CADPS: variants seen among roughly 807,000 people sequenced by gnomAD.
CADPS encodes the protein calcium-dependent secretion activator 1.
CADPS carries 57 observed loss-of-function variants against 167.3 expected under a neutral mutation model. That is an observed-to-expected ratio of 0.34 (90% confidence interval 0.28 to 0.42). The LOEUF is 0.42. Among genes scored for constraint, CADPS ranks in the 20% least tolerant of loss-of-function variants. The pLI, the probability that CADPS is intolerant of heterozygous loss-of-function variation, is 1.00. For synonymous variants in CADPS, 676 were observed against 635.3 expected (o/e 1.06, Z -0.96); for missense variants, 1,414 against 1,738.1 (o/e 0.81, Z 3.32).
rs2055604093 is a variant in CADPS at position 62,438,443 on chromosome 3, T to C, written c.3670-232A>G. Reference sequence around the variant, plus strand: ...TAAGAAGGGCATTGAGATTGTAGGATTTTATAAATAGTTTTTCTATGATAA... The same window carrying C: ...TAAGAAGGGCATTGAGATTGTAGGACTTTATAAATAGTTTTTCTATGATAA... On this transcript the variant is annotated intron_variant, in intron 27 of 29. Transcript: ENST00000383710. The surrounding 1 kb of genome is among the most constrained non-coding windows in gnomAD (Gnocchi z 4.7). 2.2e-6 allele frequency: 1 copy of C among 452,786 alleles called. No homozygotes were observed. 28.0% of individuals were successfully genotyped at this position (452,786 alleles called of 1,614,324 possible).
intron 28 of CADPS, among the ~76,000 whole-genome samples, chr3:62,419,875 C>G (rs185543917): frequency 6.6e-6 from 1 of 152,228 alleles, no homozygotes; most frequent in African/African-American, 2.4e-5. Flanking sequence ...CGTCTTAAAA[C>G]AGGGTTGGCT....
At chr3:62,836,348 C>T (rs1251342475) in intron 1 of CADPS, among the ~76,000 whole-genome samples, 1 of 152,136 alleles carries the variant, frequency 6.6e-6, no homozygotes, top group African/African-American at 2.4e-5. Flanking sequence ...GAAAAAGAGG[C>T]AACCAAGACA....
At chr3:62,830,637 G>A (rs185405357) in intron 1 of CADPS, among the ~76,000 whole-genome samples, 1 of 152,170 alleles carries the variant, frequency 6.6e-6, no homozygotes, top group Admixed American at 6.5e-5. Context: ...ACAGAAAATT[G>A]GAGCTTTATA....
intron 6 of CADPS, among the ~76,000 whole-genome samples, chr3:62,644,070 T>C (rs1484096281): frequency 6.6e-6 from 1 of 152,360 alleles, no homozygotes; most frequent in Non-Finnish European, 1.5e-5. Context: ...CTTTTGCCTA[T>C]TCATGCAAAG....
chr3:62,634,103 C>T (rs560485145), intron 6 of CADPS, among the ~76,000 whole-genome samples: 22 of 152,160 alleles, frequency 1.4e-4, no homozygotes, highest in African/African-American at 4.8e-4. Context: ...TTTCTCCTTC[C>T]GGATAGGAAA....
At chr3:62,526,406 C>T (rs933466763) in intron 13 of CADPS, among the ~76,000 whole-genome samples, 2 of 152,138 alleles carry the variant, frequency 1.3e-5, no homozygotes, top group Non-Finnish European at 2.9e-5. Flanking sequence ...AAGAGCAGCA[C>T]TGGCATTCAA....
rs542182714 is a variant in CADPS at position 62,475,601 on chromosome 3, A to C, written c.3330-1281T>G. ...GTTCTTAAGAAAAAAAAAAAAAAAA[A>C]AAAAAAAAAAACACCTAAAAATCCC... On this transcript the variant is annotated intron_variant, in intron 23 of 29. Transcript: ENST00000383710. Among the ~76,000 whole-genome samples the C allele has an allele frequency of 4.9e-4, 73 of 148,812 alleles. No homozygotes were observed. The East Asian group carries it at 0.011, about 23-fold the overall frequency.
intron 1 of CADPS, among the ~76,000 whole-genome samples, chr3:62,868,957 T>C (rs557691244): frequency 2.0e-5 from 3 of 152,228 alleles, no homozygotes; most frequent in Admixed American, 2.0e-4. Context: ...TGTTCATTAG[T>C]GGCAGGGTTT....
Position 62,718,934 on chromosome 3 carries a change from T to A in CADPS, c.888+34507A>T, listed in dbSNP as rs150110709. The stretch of plus-strand genomic sequence containing the variant: ...GGGTTTGGAGACAGGCTGAAGATAT[T>A]TGCTTTAAAATGTCACAGGTAAAGT... On this transcript the variant is annotated intron_variant, in intron 3 of 29. Transcript: ENST00000383710. 2.8e-3 allele frequency among the ~76,000 whole-genome samples: 419 copies of A among 152,282 alleles called. 5 individuals carry two copies. The highest frequency in any genetic ancestry group is 9.7e-3 in the African/African-American group (403 of 41,556).
chr3:62,819,408 G>A (rs1312845128), intron 1 of CADPS, among the ~76,000 whole-genome samples: 1 of 16,090 alleles, frequency 6.2e-5, no homozygotes, highest in Non-Finnish European at 1.5e-4. Context: ...ATCTGTGTGC[G>A]TGTGTGTGTG....
intron 6 of CADPS, among the ~76,000 whole-genome samples, chr3:62,603,952 G>C (rs969530782): frequency 6.6e-5 from 10 of 151,466 alleles, no homozygotes. Context: ...TCAGCTTCCT[G>C]AGTATCTGGG....
intron 1 of CADPS, among the ~76,000 whole-genome samples, chr3:62,864,992 T>C (rs1331486988): frequency 1.3e-5 from 2 of 152,124 alleles, no homozygotes; most frequent in Non-Finnish European, 2.9e-5. Context: ...TCAAACAACA[T>C]TGTCTGATGA....
At chr3:62,628,512 T>C (rs2064566286) in intron 6 of CADPS, among the ~76,000 whole-genome samples, 1 of 152,124 alleles carries the variant, frequency 6.6e-6, no homozygotes, top group African/African-American at 2.4e-5. Flanking sequence ...TGCAACTGTC[T>C]GGTTGCTCAG....
chr3:62,492,604 G>T (rs568749242), intron 19 of CADPS, among the ~76,000 whole-genome samples, 158 bp from the exon 20 acceptor site: 1 of 152,298 alleles, frequency 6.6e-6, no homozygotes, highest in African/African-American at 2.4e-5. Flanking sequence ...GATACAATTG[G>T]GGTGTTAAGT....
rs2058926136 is a variant in CADPS, at chr3:62,458,197, G to A, written c.3636+7170C>T. ...TGGAGCACCTACTAACTATATACCA[G>A]GTGTTATGAAAGGGCTACTGTTTAT... On this transcript the variant is annotated intron_variant, in intron 26 of 29. Coordinates refer to ENST00000383710, the MANE Select transcript of CADPS (RefSeq NM_003716.4). The surrounding 1 kb of genome is among the most constrained non-coding windows in gnomAD (Gnocchi z 4.6). 1.3e-5 allele frequency among the ~76,000 whole-genome samples: 2 copies of A among 152,138 alleles called. No homozygotes were observed. The highest frequency in any genetic ancestry group is 6.6e-5 in the Admixed American group (1 of 15,264).
chr3:62,551,824 A>C (rs968940241), intron 10 of CADPS, among the ~76,000 whole-genome samples: 1 of 152,022 alleles, frequency 6.6e-6, no homozygotes, highest in African/African-American at 2.4e-5. Flanking sequence ...TATCTGCATG[A>C]TTCACACTCT....
chr3:62,506,863 G>A (rs1161476739), intron 17 of CADPS, among the ~76,000 whole-genome samples: 2 of 152,168 alleles, frequency 1.3e-5, no homozygotes, highest in Admixed American at 1.3e-4. Context: ...AGAGTCATTA[G>A]CTAGGATAAA....
intron 10 of CADPS, among the ~76,000 whole-genome samples, chr3:62,551,054 C>T (rs1433323446): frequency 6.6e-6 from 1 of 152,136 alleles, no homozygotes; most frequent in African/African-American, 2.4e-5. Flanking sequence ...CATGGTGATG[C>T]CAACCAGCCT....
chr3:62,757,496 C>G (rs1434860507), intron 2 of CADPS, among the ~76,000 whole-genome samples: 15 of 152,092 alleles, frequency 9.9e-5, no homozygotes, highest in Admixed American at 9.8e-4. Flanking sequence ...AAGAGCAAAG[C>G]AGACTCCTCT....
Sources: allele counts gnomAD v4.1 joint callset (sites outside exome capture counted in the v4.1 genomes callset), GRCh38; gene constraint gnomAD v4.1.1; non-coding constraint Gnocchi (gnomAD v3.1); transcripts MANE v1.5; gene names NCBI Gene and HGNC (gene_info 2026-07-23, HGNC 2026-07-21).